The following MACO1 variants were observed in gnomAD, a reference collection of about 807,000 sequenced individuals.
The protein encoded by MACO1 is macoilin 1.
MACO1 carries 14 observed loss-of-function variants against 78.7 expected under a neutral mutation model. The observed-to-expected ratio is 0.18, with a 90% CI of 0.12 to 0.28. The LOEUF is 0.28. Among genes scored for constraint, MACO1 ranks in the 10% least tolerant of loss-of-function variants. MACO1 has a pLI of 1.00. For missense variants in MACO1, 501 were observed against 799.0 expected (o/e 0.63, Z 4.50); for synonymous variants, 288 against 291.6 (o/e 0.99, Z 0.12).
intron 6 of MACO1, among the ~76,000 whole-genome samples, chr1:25,468,364 G>A (rs1466369811): frequency 6.6e-6 from 1 of 152,084 alleles, no homozygotes; most frequent in Non-Finnish European, 1.5e-5. Flanking sequence ...AGATTTAAGA[G>A]CCCTGAACTA....
intron 3 of MACO1, among the ~76,000 whole-genome samples, chr1:25,451,183 T>C (rs927461974): frequency 6.6e-6 from 1 of 152,228 alleles, no homozygotes; most frequent in African/African-American, 2.4e-5. Context: ...AAAACTACTC[T>C]TATTGGGCTG....
intron 6 of MACO1, among the ~76,000 whole-genome samples, chr1:25,474,423 A>G (rs376983727): frequency 1.3e-5 from 2 of 152,192 alleles, no homozygotes; most frequent in Admixed American, 6.5e-5. Context: ...GGACTTTTCT[A>G]TTAGGGAATA....
At chr1:25,448,710 A>G in intron 2 of MACO1, 98 bp from the exon 3 acceptor site, 2 of 1,132,090 alleles carry the variant, frequency 1.8e-6, no homozygotes. Context: ...ATCTCTTAGC[A>G]GTTTCAATAA....
chr1:25,461,792 T>C (rs537864753), intron 6 of MACO1, among the ~76,000 whole-genome samples: 75 of 152,134 alleles, frequency 4.9e-4, no homozygotes, highest in Non-Finnish European at 8.7e-4. Flanking sequence ...CATAGAAAAA[T>C]GATTTAAAGG....
In MACO1 at chr1:25,500,020, G is replaced by C. The variant is rs769830926; in HGVS notation, c.*1554G>C. 3.9e-5 allele frequency: 6 copies of C among 152,178 alleles called. No individual in the cohort carries two copies. Among genetic ancestry groups the C allele is most frequent in the African/African-American group, 1.2e-4 (5 of 41,434 alleles). The allele number at this position is 152,178 out of a possible 1,614,324, so 9.4% of individuals were successfully genotyped here. A position where few individuals can be genotyped will look rare whatever the true frequency, so the allele number is the denominator to read the frequency against. ...ATCTTGTGTAATTGTCACCATGAAA[G>C]TGTTACTCAGAATTGTCATAGATTT... On this transcript the variant is annotated 3_prime_UTR_variant, in exon 11 of 11. Coordinates refer to ENST00000374343, the MANE Select transcript of MACO1 (RefSeq NM_018202.6).
At chr1:25,459,124 A>T (rs1227393293) in intron 6 of MACO1, among the ~76,000 whole-genome samples, 2 of 152,212 alleles carry the variant, frequency 1.3e-5, no homozygotes, top group Non-Finnish European at 2.9e-5. Flanking sequence ...CACATGTGAC[A>T]AATTGACCTG....
chr1:25,448,731 C>T, intron 2 of MACO1, 77 bp from the exon 3 acceptor site: 1 of 1,343,954 alleles, frequency 7.4e-7, no homozygotes, highest in Admixed American at 2.3e-5. Flanking sequence ...TTTTGTCCAA[C>T]ATGTGTTTAA....
chr1:25,449,651 G>A (rs2043047134), intron 3 of MACO1, among the ~76,000 whole-genome samples: 1 of 152,086 alleles, frequency 6.6e-6, no homozygotes, highest in Non-Finnish European at 1.5e-5. Context: ...CTAAGCCACA[G>A]CTTGCTGATT....
chr1:25,453,151 G>A (rs1417483971), intron 3 of MACO1, among the ~76,000 whole-genome samples: 11 of 150,880 alleles, frequency 7.3e-5, no homozygotes, highest in Non-Finnish European at 1.3e-4. Flanking sequence ...GATTACAGGC[G>A]CCTGCCACCA....
intron 1 of MACO1, among the ~76,000 whole-genome samples, chr1:25,440,548 C>T (rs1463898819): frequency 1.3e-5 from 2 of 152,016 alleles, no homozygotes; most frequent in Non-Finnish European, 2.9e-5. Flanking sequence ...GCAGGCGGAT[C>T]ACCTGAGGTC....
At chr1:25,496,821 A>G (rs186754567) in intron 10 of MACO1, among the ~76,000 whole-genome samples, 5 of 152,324 alleles carry the variant, frequency 3.3e-5, no homozygotes, top group Admixed American at 3.3e-4. Context: ...TGCTGTAGGT[A>G]GGAGTGTACA....
intron 9 of MACO1, among the ~76,000 whole-genome samples, chr1:25,490,297 A>G (rs1370383281): frequency 6.6e-6 from 1 of 152,216 alleles, no homozygotes; most frequent in Non-Finnish European, 1.5e-5. Context: ...ATATATAGCA[A>G]AATAGGCTGA....
chr1:25,449,933 C>T (rs558895565), intron 3 of MACO1, among the ~76,000 whole-genome samples: 96 of 152,302 alleles, frequency 6.3e-4, no homozygotes, highest in African/African-American at 2.3e-3. Flanking sequence ...GCAAGAGAAT[C>T]GCTTGAACCC....
chr1:25,469,684 C>T (rs1318228999), intron 6 of MACO1, among the ~76,000 whole-genome samples: 1 of 149,254 alleles, frequency 6.7e-6, no homozygotes. Flanking sequence ...TCACCCAGGC[C>T]GTAGTGCAGT....
intron 6 of MACO1, among the ~76,000 whole-genome samples, chr1:25,472,598 A>G (rs1252340127): frequency 1.3e-5 from 2 of 152,170 alleles, no homozygotes; most frequent in South Asian, 2.1e-4. Context: ...CTCTAATGCT[A>G]CAGAGAGAAT....
chr1:25,495,685 C>G (rs1242492141), intron 10 of MACO1, among the ~76,000 whole-genome samples: 1 of 152,166 alleles, frequency 6.6e-6, no homozygotes, highest in African/African-American at 2.4e-5. Context: ...ACTTTCAGGC[C>G]AGGCGCGGTG....
At chr1:25,436,010 A>G (rs944487961) in intron 1 of MACO1, among the ~76,000 whole-genome samples, 5 of 152,176 alleles carry the variant, frequency 3.3e-5, no homozygotes, top group Non-Finnish European at 5.9e-5. Context: ...GGGGAACAGG[A>G]GAGAACGTGA....
At chr1:25,480,860 G>A (rs1320112785) in intron 6 of MACO1, among the ~76,000 whole-genome samples, 4 of 146,208 alleles carry the variant, frequency 2.7e-5, no homozygotes, top group Non-Finnish European at 3.0e-5. Flanking sequence ...GAACCCAGGA[G>A]GGGGAGATTG....
chr1:25,431,098 G>A lies in MACO1; in HGVS notation c.-1G>A, dbSNP rs766136122. 2 of 1,589,064 alleles carry A rather than the reference G, an allele frequency of 1.3e-6. No homozygotes were observed. The highest frequency in any genetic ancestry group is 2.4e-5 in the East Asian group (1 of 42,550). On this transcript the variant is annotated 5_prime_UTR_variant, in exon 1 of 11. Transcript: ENST00000374343. ...CGGGCACCCGGCCCCCCAGCGGGAG[G>A]ATGAAGCGGCGGAACGCCGACTGCA...
Sources: allele counts gnomAD v4.1 joint callset (sites outside exome capture counted in the v4.1 genomes callset), GRCh38; gene constraint gnomAD v4.1.1; transcripts MANE v1.5; gene names NCBI Gene and HGNC (gene_info 2026-07-23, HGNC 2026-07-21).